The following FBXL13 variants were observed in gnomAD, a reference collection of about 807,000 sequenced individuals.
FBXL13 encodes F-box and leucine rich repeat protein 13.
In FBXL13, 67 loss-of-function variants were observed where a neutral mutation model predicts 83.6. The observed-to-expected ratio is 0.80, with a 90% CI of 0.66 to 0.98. The LOEUF (loss-of-function observed/expected upper bound fraction) is 0.98. Ranked by LOEUF, FBXL13 falls within the 50% of genes least tolerant of loss-of-function variation. The pLI is 0.00. For missense variants in FBXL13, 822 were observed against 866.5 expected (o/e 0.95, Z 0.64); for synonymous variants, 272 against 299.5 (o/e 0.91, Z 0.95).
chr7:103,069,313 C>T (rs765999200), intron 1 of FBXL13, among the ~76,000 whole-genome samples: 28 of 152,214 alleles, frequency 1.8e-4, no homozygotes, highest in African/African-American at 4.6e-4. Context: ...TTTGCCCGGC[C>T]GTTGTGCAAC....
intron 1 of FBXL13, among the ~76,000 whole-genome samples, chr7:103,059,571 T>TA (rs777824265): frequency 2.0e-5 from 3 of 152,178 alleles, no homozygotes; most frequent in Non-Finnish European, 4.4e-5. Flanking sequence ...AGTAAAAACT[T>TA]ACACAATCAA....
At chr7:103,060,412 T>C (rs1007453150) in intron 1 of FBXL13, among the ~76,000 whole-genome samples, 3 of 152,080 alleles carry the variant, frequency 2.0e-5, no homozygotes, top group Non-Finnish European at 2.9e-5. Flanking sequence ...GGAAAACACT[T>C]GGACATAGAG....
At chr7:102,975,971 C>A (rs756865970) in intron 6 of FBXL13, 5 of 765,962 alleles carry the variant, frequency 6.5e-6, no homozygotes, top group Non-Finnish European at 9.6e-6. Context: ...GCTTCAAGTG[C>A]GGCAATGAAG....
At chr7:102,874,014 C>T (rs906328851) in intron 16 of FBXL13, among the ~76,000 whole-genome samples, 1 of 152,222 alleles carries the variant, frequency 6.6e-6, no homozygotes, top group Admixed American at 6.5e-5. Flanking sequence ...CCAGTATTCT[C>T]AGCACTGAGC....
rs755927601 is a variant in FBXL13 at position 102,878,469 on chromosome 7, A to C, written c.1389-19T>G. The C allele has an allele frequency of 9.1e-6, 14 of 1,543,634 alleles. No individual in the cohort carries two copies. The highest frequency in any genetic ancestry group is 1.2e-5 in the Non-Finnish European group (14 of 1,138,714). ...ACCAATTCTGTAGGAAAGAGAGAAA[A>C]ATTTTACATGTGATTCTATATATAA... is the stretch of plus-strand genomic sequence containing the variant. On this transcript the variant is annotated intron_variant, in intron 14 of 19. Transcript: ENST00000313221.
chr7:103,054,166 C>T (rs1196144596), intron 2 of FBXL13, among the ~76,000 whole-genome samples: 1 of 51,944 alleles, frequency 1.9e-5, no homozygotes, highest in African/African-American at 3.8e-5. Context: ...AGGTGGATTG[C>T]CTGAGGTCAG....
At position 102,926,340 on chromosome 7, in the gene FBXL13, G is replaced by A. The variant is rs150674888; in HGVS notation, c.812C>T (p.Pro271Leu). 8.3e-5 allele frequency: 134 copies of A among 1,613,816 alleles called. No individual in the cohort carries two copies. Among genetic ancestry groups the A allele is most frequent in the African/African-American group, 1.2e-4 (9 of 74,998 alleles). The change falls in exon 10 of 20, where the codon CCG becomes CTG. Residue 271 changes from proline (P) to leucine (L), a missense_variant. Coordinates refer to ENST00000313221, the Ensembl canonical transcript of FBXL13. ...AGACAGATTGAGACACAGGACCCCCGGGCAGCCCTCAGAAATGTGTCTCAT... is the reference window on the plus strand; with the variant it reads ...AGACAGATTGAGACACAGGACCCCCAGGCAGCCCTCAGAAATGTGTCTCAT...
At chr7:102,889,778 C>T (rs895293532) in intron 11 of FBXL13, among the ~76,000 whole-genome samples, 2 of 152,116 alleles carry the variant, frequency 1.3e-5, no homozygotes, top group Non-Finnish European at 1.5e-5. Flanking sequence ...TCTAAATTCC[C>T]CCCATTCCAG....
chr7:102,903,192 T>A (rs1250004372), intron 11 of FBXL13, among the ~76,000 whole-genome samples: 3 of 152,158 alleles, frequency 2.0e-5, no homozygotes, highest in Middle Eastern at 3.4e-3. Flanking sequence ...TGTAAGTGGG[T>A]TTACATTTTT....
At chr7:103,033,926 G>T (rs983422725) in intron 2 of FBXL13, among the ~76,000 whole-genome samples, 3 of 136,164 alleles carry the variant, frequency 2.2e-5, no homozygotes, top group Non-Finnish European at 4.8e-5. Flanking sequence ...TAGACACAAA[G>T]GTTCTCCACA....
intron 2 of FBXL13, among the ~76,000 whole-genome samples, chr7:103,048,307 G>A (rs1585549658): frequency 6.6e-6 from 1 of 151,462 alleles, no homozygotes; most frequent in Non-Finnish European, 1.5e-5. Context: ...CCAAAATGAT[G>A]ACTCAAAAAA....
chr7:102,820,404 A>G (rs563791411), intron 19 of FBXL13, among the ~76,000 whole-genome samples: 3 of 152,362 alleles, frequency 2.0e-5, no homozygotes, highest in South Asian at 4.1e-4. Context: ...TTAGAGTTCT[A>G]CATTGGGGTT....
intron 17 of FBXL13, chr7:102,834,570 T>C (rs1254093994): frequency 2.0e-5 from 3 of 151,610 alleles, no homozygotes. Flanking sequence ...TGGCTAGTGC[T>C]TGGCACATAG....
chr7:102,824,785 C>CTTTT (rs57237364), intron 18 of FBXL13, among the ~76,000 whole-genome samples: 1 of 124,070 alleles, frequency 8.1e-6, no homozygotes, highest in Non-Finnish European at 1.7e-5. Flanking sequence ...CATGCCCGGC[C>CTTTT]TTTTTTTTTT....
In FBXL13 at chr7:102,934,805, C is replaced by T. The variant is rs149457818; in HGVS notation, c.725-2872G>A. 9.1e-4 allele frequency: 850 copies of T among 931,866 alleles called. 8 individuals are homozygous for T. In the African/African-American group the frequency reaches 0.014, roughly 15 times the overall value. The allele number at this position is 931,866 out of a possible 1,614,324, so 57.7% of individuals were successfully genotyped here. On this transcript the variant is annotated intron_variant, in intron 8 of 19. Coordinates refer to ENST00000313221, the Ensembl canonical transcript of FBXL13. ...CGTGATGTCACTTCCACCAGAAATC[C>T]TTCCCTATTGACAATGGAATTTACC...
chr7:102,987,089 G>A lies in FBXL13; in HGVS notation c.496-18972C>T, dbSNP rs1829058062. 3.3e-5 allele frequency among the ~76,000 whole-genome samples: 5 copies of A among 152,204 alleles called. No individual in the cohort carries two copies. The South Asian group carries it at 8.3e-4, about 25-fold the overall frequency. On this transcript the variant is annotated intron_variant, in intron 6 of 19. Coordinates refer to ENST00000313221, the Ensembl canonical transcript of FBXL13. ...ATACTGTATGTTCTCACTTGTAAGT[G>A]GGAGCTAAGCTATGGGTATTCAAAG...
At chr7:102,837,254 G>A (rs1270159783) in intron 17 of FBXL13, among the ~76,000 whole-genome samples, 1 of 152,190 alleles carries the variant, frequency 6.6e-6, no homozygotes, top group Non-Finnish European at 1.5e-5. Flanking sequence ...TGCCCCTCCT[G>A]GAGATGCCAC....
chr7:103,008,322 C>T (rs1791202852), intron 6 of FBXL13, among the ~76,000 whole-genome samples: 1 of 152,060 alleles, frequency 6.6e-6, no homozygotes, highest in South Asian at 2.1e-4. Flanking sequence ...TGGACAGGGT[C>T]CTTTTGCTAG....
intron 2 of FBXL13, among the ~76,000 whole-genome samples, chr7:103,051,695 C>T (rs1050143330): frequency 6.6e-6 from 1 of 152,182 alleles, no homozygotes; most frequent in African/African-American, 2.4e-5. Flanking sequence ...CCCCCAGAAT[C>T]ACAGCAGATT....
Sources: allele counts gnomAD v4.1 joint callset (sites outside exome capture counted in the v4.1 genomes callset), GRCh38; gene constraint gnomAD v4.1.1; transcripts MANE v1.5; gene names NCBI Gene and HGNC (gene_info 2026-07-23, HGNC 2026-07-21).